Variants in NELL2 observed in about 807,000 individuals in gnomAD.
The protein encoded by NELL2 is protein kinase C-binding protein NELL2.
A neutral mutation model predicts 109.6 loss-of-function variants in NELL2; 41 were observed. That is an observed-to-expected ratio of 0.37 (90% CI 0.29 to 0.49). NELL2 has a LOEUF of 0.49. Ranked by LOEUF, NELL2 falls within the 20% of genes least tolerant of loss-of-function variation. The probability of loss-of-function intolerance (pLI) is 0.98; values close to 1 mark genes in which losing one functional copy is unlikely to be tolerated. For synonymous variants in NELL2, 355 were observed against 344.7 expected, an observed-to-expected ratio of 1.03 and a Z score of -0.33; for missense variants, 900 against 1,008.3, an observed-to-expected ratio of 0.89 and a Z score of 1.45.
At chr12:44,697,475 C>T (rs1313085571) in intron 12 of NELL2, among the ~76,000 whole-genome samples, 1 of 152,164 alleles carries the variant, frequency 6.6e-6, no homozygotes, top group African/African-American at 2.4e-5. Flanking sequence ...GGAAAATGTG[C>T]AAACTCCACA....
At chr12:44,633,521 T>C (rs1946528407) in intron 13 of NELL2, among the ~76,000 whole-genome samples, 1 of 152,102 alleles carries the variant, frequency 6.6e-6, no homozygotes, top group African/African-American at 2.4e-5. Context: ...CAAACAAACA[T>C]TTACTTGTCA....
upstream of NELL2, chr12:44,876,794 G>T: frequency 7.2e-7 from 1 of 1,382,806 alleles, no homozygotes. Flanking sequence ...GGCGTGCGGA[G>T]GAAGGCCACC....
chr12:44,812,855 T>C (rs1943222839), intron 3 of NELL2, among the ~76,000 whole-genome samples: 1 of 152,114 alleles, frequency 6.6e-6, no homozygotes, highest in African/African-American at 2.4e-5. Context: ...TGATCTCCCA[T>C]AGACACGGAG....
chr12:44,688,440 G>C (rs1948796361), intron 12 of NELL2, among the ~76,000 whole-genome samples: 1 of 152,120 alleles, frequency 6.6e-6, no homozygotes, highest in African/African-American at 2.4e-5. Flanking sequence ...AACTTTTACT[G>C]ACTTATTTTT....
intron 1 of NELL2, among the ~76,000 whole-genome samples, chr12:44,902,350 T>C (rs1945670325): frequency 6.6e-6 from 1 of 152,086 alleles, no homozygotes; most frequent in African/African-American, 2.4e-5. Flanking sequence ...ATGAGGGATG[T>C]GAAGGACCTC....
chr12:44,909,768 CAT>C (rs752034536), intron 1 of NELL2, among the ~76,000 whole-genome samples: 10 of 146,902 alleles, frequency 6.8e-5, no homozygotes, highest in Non-Finnish European at 1.2e-4. Flanking sequence ...CACACACACA[CAT>C]ATATATACAC....
chr12:44,865,230 T>C (rs1944957253), intron 2 of NELL2, among the ~76,000 whole-genome samples: 2 of 122,090 alleles, frequency 1.6e-5, no homozygotes, highest in Admixed American at 8.8e-5. Flanking sequence ...TGTTTTTTTC[T>C]TGTAAATTTG....
chr12:44,515,350 C>A (rs1253547309), intron 19 of NELL2, among the ~76,000 whole-genome samples: 1 of 151,746 alleles, frequency 6.6e-6, no homozygotes, highest in Non-Finnish European at 1.5e-5. Flanking sequence ...AGAAGCCTTG[C>A]TAGAGATAAG....
rs117105130 is a variant in NELL2 at position 44,678,417 on chromosome 12, T to G, written c.1319-12808A>C. On this transcript the variant is annotated intron_variant, in intron 12 of 19. Coordinates refer to ENST00000429094, the MANE Select transcript of NELL2 (RefSeq NM_001145108.2). ...CATAATAGAGAAGGCATATCAGCAT[T>G]TAGCATGGTCGCCATGGCATTCACT... Among the ~76,000 whole-genome samples, 263 of 152,146 alleles carry G rather than the reference T, an allele frequency of 1.7e-3. 1 individual carries two copies. The highest frequency in any genetic ancestry group is 3.1e-3 in the Non-Finnish European group (213 of 67,974).
intron 2 of NELL2, among the ~76,000 whole-genome samples, chr12:44,820,487 T>C (rs1461542452): frequency 6.6e-6 from 1 of 151,824 alleles, no homozygotes; most frequent in Non-Finnish European, 1.5e-5. Context: ...TGGGCGCCTG[T>C]AGCCCCAGCT....
intron 12 of NELL2, among the ~76,000 whole-genome samples, chr12:44,699,062 A>G (rs1309364744): frequency 2.0e-5 from 3 of 152,188 alleles, no homozygotes; most frequent in African/African-American, 7.2e-5. Flanking sequence ...ACATCAAAAG[A>G]TCCCATAATT....
intron 3 of NELL2, among the ~76,000 whole-genome samples, chr12:44,790,843 A>G (rs1393684918): frequency 3.3e-5 from 5 of 151,586 alleles, no homozygotes; most frequent in Admixed American, 6.6e-5. Context: ...AAATGGACAC[A>G]AAAAGCCAGC....
At chr12:44,574,874 T>C (rs908070018) in intron 15 of NELL2, among the ~76,000 whole-genome samples, 2 of 152,210 alleles carry the variant, frequency 1.3e-5, no homozygotes, top group African/African-American at 4.8e-5. Flanking sequence ...CAACCTCAAA[T>C]GCATCTATAC....
intron 12 of NELL2, among the ~76,000 whole-genome samples, chr12:44,671,083 T>C (rs1169093696): frequency 6.6e-6 from 1 of 152,084 alleles, no homozygotes; most frequent in Non-Finnish European, 1.5e-5. Context: ...TGAAACCATA[T>C]CAAGTGTCTG....
At chr12:44,558,451 G>A (rs1943337388) in intron 15 of NELL2, among the ~76,000 whole-genome samples, 1 of 152,174 alleles carries the variant, frequency 6.6e-6, no homozygotes, top group African/African-American at 2.4e-5. Flanking sequence ...ATTTCCAACT[G>A]AGGTACCTGG....
At position 44,876,126 on chromosome 12, in the gene NELL2, G is replaced by T; in HGVS notation, c.-257C>A. ...GAGGCGGCAGCGCGGCCCGGAGGGG[G>T]CCCGGAGGGAGGGGTCGGACTCGCC... On this transcript the variant is annotated 5_prime_UTR_variant, in exon 1 of 20. Coordinates refer to ENST00000429094, the MANE Select transcript of NELL2 (RefSeq NM_001145108.2). 3.8e-6 allele frequency: 5 copies of T among 1,306,030 alleles called. No homozygotes were observed. Among genetic ancestry groups the T allele is most frequent in the Non-Finnish European group, 4.9e-6 (5 of 1,027,204 alleles). The allele number at this position is 1,306,030 out of a possible 1,614,324, so 80.9% of individuals were successfully genotyped here.
At chr12:44,898,155 G>A (rs1390639021) in intron 1 of NELL2, among the ~76,000 whole-genome samples, 1 of 152,190 alleles carries the variant, frequency 6.6e-6, no homozygotes, top group Non-Finnish European at 1.5e-5. Context: ...CAGAGCACCT[G>A]GGAGAAGGGG....
intron 15 of NELL2, among the ~76,000 whole-genome samples, chr12:44,547,720 A>AATCTC (rs1942857501): frequency 6.6e-6 from 1 of 152,032 alleles, no homozygotes; most frequent in South Asian, 2.1e-4. Flanking sequence ...TGGTCAAGGC[A>AATCTC]ATCTCATCTC....
rs79245473 is a variant in NELL2, at chr12:44,556,656, G to A, written c.1664-23935C>T. 6.6e-4 allele frequency among the ~76,000 whole-genome samples: 101 copies of A among 152,304 alleles called. 4 individuals carry two copies. The East Asian group carries it at 0.019, about 29-fold the overall frequency. ...AAGGTACTAACCCAGCTAAGATCCAGCTCTCCAGCAGCTAGTTCAGGGGTA... is the reference window on the plus strand; with the variant it reads ...AAGGTACTAACCCAGCTAAGATCCAACTCTCCAGCAGCTAGTTCAGGGGTA... On this transcript the variant is annotated intron_variant, in intron 15 of 19. Transcript: ENST00000429094.
Sources: gnomAD v4.1 joint callset for allele counts (sites outside exome capture counted in the v4.1 genomes callset) on GRCh38, gnomAD v4.1.1 for gene constraint, MANE v1.5 for transcripts, NCBI Gene and HGNC (gene_info 2026-07-23, HGNC 2026-07-21) for gene names.